The following SPATA13 variants were observed in gnomAD, a reference collection of about 807,000 sequenced individuals.
SPATA13 encodes spermatogenesis associated 13.
A neutral mutation model predicts 104.0 loss-of-function variants in SPATA13; 50 were observed. The ratio of observed to expected loss-of-function variants is 0.48; its 90% confidence interval spans 0.38 to 0.61. SPATA13 has a LOEUF of 0.61. Ranked by LOEUF, SPATA13 falls within the 20% of genes least tolerant of loss-of-function variation. The probability of loss-of-function intolerance (pLI) is 0.00; values close to 1 mark genes in which losing one functional copy is unlikely to be tolerated. For missense variants in SPATA13, 1,524 were observed against 1,690.6 expected, an observed-to-expected ratio of 0.90 and a Z score of 1.73; for synonymous variants, 606 against 667.5, an observed-to-expected ratio of 0.91 and a Z score of 1.42.
intron 2 of SPATA13, among the ~76,000 whole-genome samples, chr13:23,999,014 C>T (rs1337030294): frequency 6.6e-6 from 1 of 151,376 alleles, no homozygotes; most frequent in Non-Finnish European, 1.5e-5. Flanking sequence ...CAACCTCTGC[C>T]TCCCATGTTC....
intron 3 of SPATA13, among the ~76,000 whole-genome samples, chr13:24,096,154 G>T (rs1451152782): frequency 1.3e-5 from 2 of 152,154 alleles, no homozygotes; most frequent in Admixed American, 1.3e-4. Context: ...CCTGCCTGGT[G>T]CCTGACTTGT....
At chr13:24,031,753 C>G (rs574567855) in intron 3 of SPATA13, among the ~76,000 whole-genome samples, 1 of 152,316 alleles carries the variant, frequency 6.6e-6, no homozygotes, top group East Asian at 1.9e-4. Context: ...TCAGTCAACA[C>G]TAGAAAATTA....
chr13:24,018,743 AT>A (rs570233196), intron 3 of SPATA13, among the ~76,000 whole-genome samples: 2 of 151,916 alleles, frequency 1.3e-5, no homozygotes, highest in Non-Finnish European at 2.9e-5. Flanking sequence ...TAACTGATGC[AT>A]TTTTTTTGAA....
chr13:24,082,582 A>G (rs192705109), intron 3 of SPATA13, among the ~76,000 whole-genome samples: 11 of 152,076 alleles, frequency 7.2e-5, no homozygotes, highest in African/African-American at 2.7e-4. Flanking sequence ...GCACTTTGGG[A>G]GGCCGAGGCG....
At chr13:24,114,384 CGT>C (rs1166474402) in intron 3 of SPATA13, among the ~76,000 whole-genome samples, 15 of 152,160 alleles carry the variant, frequency 9.9e-5, no homozygotes, top group Non-Finnish European at 2.9e-5. Context: ...TGCACATGCG[CGT>C]GTGTGTGCAT....
At chr13:24,080,826 C>A (rs1371350000) in intron 3 of SPATA13, among the ~76,000 whole-genome samples, 1 of 152,150 alleles carries the variant, frequency 6.6e-6, no homozygotes, top group Non-Finnish European at 1.5e-5. Flanking sequence ...GTTCTTTAAT[C>A]ATTTTGTTTC....
intron 2 of SPATA13, among the ~76,000 whole-genome samples, chr13:24,000,379 G>A (rs567178062): frequency 7.9e-5 from 12 of 152,266 alleles, no homozygotes; most frequent in South Asian, 2.1e-4. Flanking sequence ...TATGGAAGGC[G>A]TGGGGAGCCC....
chr13:23,997,141 A>G (rs1382612187), intron 2 of SPATA13, among the ~76,000 whole-genome samples: 1 of 152,236 alleles, frequency 6.6e-6, no homozygotes, highest in South Asian at 2.1e-4. Context: ...TTCTGCTTAA[A>G]CAACCATCAG....
chr13:24,063,097 T>C (rs993842008), intron 3 of SPATA13, among the ~76,000 whole-genome samples: 1 of 151,408 alleles, frequency 6.6e-6, no homozygotes, highest in African/African-American at 2.4e-5. Flanking sequence ...AGCCCTGCCC[T>C]CTGTCCTCAG....
chr13:24,302,680 C>A lies in SPATA13; in HGVS notation c.3741C>A (p.Val1247=), dbSNP rs146852890. 2 of 1,614,008 alleles carry A rather than the reference C, an allele frequency of 1.2e-6. No homozygotes were observed. Among genetic ancestry groups the A allele is most frequent in the African/African-American group, 1.3e-5 (1 of 74,896 alleles). Residue 1247 remains valine, a synonymous_variant, in exon 13 of 13, where the codon GTC becomes GTA. Coordinates refer to ENST00000382108, the MANE Select transcript of SPATA13 (RefSeq NM_001166271.3). ...HQRHITMPTS[V]PQQQVFGLAE... is the part of the protein sequence containing the mutation. Reference sequence around the variant, plus strand: ...GCCACATCACTATGCCCACAAGCGTCCCCCAGCAGCAGGTCTTTGGCCTGG... The same window carrying A: ...GCCACATCACTATGCCCACAAGCGTACCCCAGCAGCAGGTCTTTGGCCTGG...
Position 24,303,379 on chromosome 13 carries a change from G to C in SPATA13, c.*606G>C. The stretch of plus-strand genomic sequence containing the variant: ...TGGTAGTGCAAATGTCATCCTGCAA[G>C]GTTCCTCTTCCTGCAAGCAAAGTGG... On this transcript the variant is annotated 3_prime_UTR_variant, in exon 13 of 13. Coordinates refer to ENST00000382108, the MANE Select transcript of SPATA13 (RefSeq NM_001166271.3). The C allele has an allele frequency of 4.8e-6, 1 of 208,974 alleles. No individual in the cohort carries two copies. Among genetic ancestry groups the C allele is most frequent in the Non-Finnish European group, 1.0e-5 (1 of 97,080 alleles). The allele number at this position is 208,974 out of a possible 1,614,324, so 12.9% of individuals were successfully genotyped here. A position where few individuals can be genotyped will look rare whatever the true frequency, so the allele number is the denominator to read the frequency against.
chr13:24,164,402 G>A (rs1882637057), intron 1 of SPATA13, among the ~76,000 whole-genome samples: 1 of 152,190 alleles, frequency 6.6e-6, no homozygotes, highest in African/African-American at 2.4e-5. Context: ...GAATTGTGAT[G>A]CTCACCTCCT....
At chr13:24,079,552 G>T (rs141596550) in intron 3 of SPATA13, among the ~76,000 whole-genome samples, 2 of 152,138 alleles carry the variant, frequency 1.3e-5, no homozygotes, top group African/African-American at 2.4e-5. Context: ...TGATGATCCC[G>T]ACCTGAGACT....
At chr13:24,126,180 A>T (rs777530042) in intron 3 of SPATA13, among the ~76,000 whole-genome samples, 1 of 152,126 alleles carries the variant, frequency 6.6e-6, no homozygotes, top group Non-Finnish European at 1.5e-5. Flanking sequence ...TGCTACAGGG[A>T]CTTCCTCTCC....
intron 3 of SPATA13, among the ~76,000 whole-genome samples, chr13:24,059,877 A>G (rs1456292539): frequency 1.3e-5 from 2 of 152,124 alleles, no homozygotes; most frequent in Non-Finnish European, 2.9e-5. Context: ...GACTTCTAAT[A>G]CTATGTTGAA....
intron 1 of SPATA13, among the ~76,000 whole-genome samples, chr13:24,213,368 G>A (rs1871125331): frequency 6.6e-6 from 1 of 152,206 alleles, no homozygotes; most frequent in Non-Finnish European, 1.5e-5. Flanking sequence ...CTGGGTTCAA[G>A]CAATTCTTTT....
intron 2 of SPATA13, among the ~76,000 whole-genome samples, chr13:24,228,753 T>G (rs1872093568): frequency 6.6e-6 from 1 of 152,214 alleles, no homozygotes; most frequent in Admixed American, 6.5e-5. Flanking sequence ...ACTTACAGGA[T>G]TAAAGCAAAT....
rs1384213689 is a variant in SPATA13 at position 24,222,939 on chromosome 13, G to T, written c.10G>T (p.Ala4Ser). The T allele has an allele frequency of 6.4e-7, 1 of 1,551,070 alleles. No homozygotes were observed. Among genetic ancestry groups the T allele is most frequent in the Non-Finnish European group, 8.7e-7 (1 of 1,146,686 alleles). ...GGCAGTGCCCGTGGCCATGACCCAG[G>T]CTGCCGTGCGGCCCTGGGCACCCTG... MTQ[A>S]AVRPWAPCLE... Residue 4 changes from alanine to serine, a missense_variant, in exon 2 of 13, where the codon GCT becomes TCT. Ala to Ser is a moderately conservative substitution (Grantham distance 99, BLOSUM62 1). Coordinates refer to ENST00000382108, the MANE Select transcript of SPATA13 (RefSeq NM_001166271.3).
intron 3 of SPATA13, among the ~76,000 whole-genome samples, chr13:24,152,317 A>C (rs1882121252): frequency 6.6e-6 from 1 of 152,212 alleles, no homozygotes; most frequent in African/African-American, 2.4e-5. Context: ...GGTGGACACA[A>C]GCTTTCTGAC....
Sources: allele counts gnomAD v4.1 joint callset (sites outside exome capture counted in the v4.1 genomes callset), GRCh38; gene constraint gnomAD v4.1.1; transcripts MANE v1.5; gene names NCBI Gene and HGNC (gene_info 2026-07-23, HGNC 2026-07-21).